The following PPP4R2 variants were observed in gnomAD, a reference collection of about 807,000 sequenced individuals.
PPP4R2 encodes the protein serine/threonine-protein phosphatase 4 regulatory subunit 2.
PPP4R2 carries 13 observed loss-of-function variants against 47.2 expected under a neutral mutation model. The ratio of observed to expected loss-of-function variants is 0.28; its 90% CI spans 0.18 to 0.44. The LOEUF is 0.44. Ranked by LOEUF, PPP4R2 falls within the 20% of genes least tolerant of loss-of-function variation. The probability of loss-of-function intolerance (pLI) is 1.00; values close to 1 mark genes in which losing one functional copy is unlikely to be tolerated. For missense variants in PPP4R2, 421 were observed against 491.2 expected (o/e 0.86, Z 1.35); for synonymous variants, 151 against 163.3 (o/e 0.92, Z 0.57).
chr3:73,039,500 A>G (rs913131132), intron 2 of PPP4R2, among the ~76,000 whole-genome samples: 1 of 152,236 alleles, frequency 6.6e-6, no homozygotes, highest in Non-Finnish European at 1.5e-5. Context: ...TGTATCACAT[A>G]ATTTACCTTT....
At chr3:73,001,302 A>G (rs1158003369) in intron 2 of PPP4R2, among the ~76,000 whole-genome samples, 1 of 152,128 alleles carries the variant, frequency 6.6e-6, no homozygotes, top group Non-Finnish European at 1.5e-5. Context: ...TCATGTCTGT[A>G]ATCCCAGAAC....
chr3:73,014,837 C>T, intron 2 of PPP4R2: 1 of 429,812 alleles, frequency 2.3e-6, no homozygotes, highest in Non-Finnish European at 4.2e-6. Flanking sequence ...TCTAGCATTG[C>T]TTTATCATTT....
intron 2 of PPP4R2, among the ~76,000 whole-genome samples, chr3:73,024,618 A>G (rs1197128762): frequency 1.3e-5 from 2 of 152,114 alleles, no homozygotes; most frequent in African/African-American, 4.8e-5. Flanking sequence ...TGAAAGCCCA[A>G]AGGAGTTTCT....
chr3:73,014,991 G>T (rs1437099817), intron 2 of PPP4R2: 17 of 684,722 alleles, frequency 2.5e-5, no homozygotes, highest in Non-Finnish European at 3.7e-5. Context: ...GATGTAAGCA[G>T]CCTCACCCAG....
chr3:73,007,592 G>C (rs1224782424), intron 2 of PPP4R2, among the ~76,000 whole-genome samples: 1 of 151,838 alleles, frequency 6.6e-6, no homozygotes, highest in Non-Finnish European at 1.5e-5. Context: ...AGGTTCAAGC[G>C]ATTCTCCTGC....
At chr3:73,036,026 C>T (rs189452641) in intron 2 of PPP4R2, among the ~76,000 whole-genome samples, 27 of 152,232 alleles carry the variant, frequency 1.8e-4, no homozygotes, top group Non-Finnish European at 2.6e-4. Context: ...TGTATATATA[C>T]GCACACACAC....
chr3:72,996,806 G>A (rs1038853521), upstream of PPP4R2: 10 of 377,864 alleles, frequency 2.6e-5, no homozygotes, highest in Non-Finnish European at 3.8e-5. Context: ...GCGCGGTGAC[G>A]TACCGGGCGC....
At chr3:73,034,276 C>T (rs2107282970) in intron 2 of PPP4R2, among the ~76,000 whole-genome samples, 1 of 152,140 alleles carries the variant, frequency 6.6e-6, no homozygotes, top group East Asian at 1.9e-4. Context: ...TAAATGGTGC[C>T]ATCATTGAGT....
intron 2 of PPP4R2, among the ~76,000 whole-genome samples, chr3:73,028,798 C>T (rs1702116147): frequency 2.0e-5 from 3 of 152,014 alleles, no homozygotes; most frequent in African/African-American, 7.2e-5. Flanking sequence ...TGTGTCTAGC[C>T]CTTTCACAGA....
chr3:73,000,597 T>A (rs938620723), intron 2 of PPP4R2, among the ~76,000 whole-genome samples: 3 of 152,182 alleles, frequency 2.0e-5, no homozygotes, highest in Non-Finnish European at 4.4e-5. Flanking sequence ...CATTTTTACT[T>A]CTTAGTCTAT....
intron 2 of PPP4R2, among the ~76,000 whole-genome samples, chr3:73,034,060 C>G (rs1009207589): frequency 2.0e-5 from 3 of 152,190 alleles, no homozygotes; most frequent in African/African-American, 7.2e-5. Flanking sequence ...CTCACCAGTG[C>G]TTGTTATTTT....
chr3:73,057,297 A>AAAC (rs1702748992), intron 3 of PPP4R2, among the ~76,000 whole-genome samples: 1 of 152,142 alleles, frequency 6.6e-6, no homozygotes, highest in Non-Finnish European at 1.5e-5. Flanking sequence ...GAATGAAACA[A>AAAC]AAGATGTATA....
chr3:73,025,233 C>A (rs1702040711), intron 2 of PPP4R2, among the ~76,000 whole-genome samples: 1 of 152,158 alleles, frequency 6.6e-6, no homozygotes, highest in Admixed American at 6.6e-5. Context: ...TGCAATTCAT[C>A]ATATTGGTAA....
Position 73,063,740 on chromosome 3 carries a change from A to G in PPP4R2, c.487A>G (p.Thr163Ala), listed in dbSNP as rs1018036007. 4 of 1,574,408 alleles carry G rather than the reference A, an allele frequency of 2.5e-6. No homozygotes were observed. Among genetic ancestry groups the G allele is most frequent in the Admixed American group, 1.7e-5 (1 of 59,578 alleles). ...VMFPGNSPSY[T>A]ERSNINGPGT... ...GTTTCCTGGAAATTCACCAAGCTAT[A>G]CTGAGAGGTGAGATTCTAGATTTTT... is the stretch of plus-strand genomic sequence containing the variant. The change falls in exon 6 of 9, where the codon ACT (threonine) becomes GCT (alanine). Residue 163 changes from threonine to alanine, a missense_variant. Coordinates refer to ENST00000356692, the MANE Select transcript of PPP4R2 (RefSeq NM_174907.4).
intron 2 of PPP4R2, among the ~76,000 whole-genome samples, chr3:73,002,049 AC>A (rs1559544417): frequency 6.6e-6 from 1 of 151,976 alleles, no homozygotes; most frequent in African/African-American, 2.4e-5. Context: ...TTAGACTCTT[AC>A]CTTTGTGAGA....
intron 2 of PPP4R2, among the ~76,000 whole-genome samples, chr3:73,039,297 A>G (rs898628445): frequency 6.6e-6 from 1 of 151,882 alleles, no homozygotes; most frequent in African/African-American, 2.4e-5. Flanking sequence ...TCATTTTTGT[A>G]TTTTTAGTAG....
intron 2 of PPP4R2, among the ~76,000 whole-genome samples, chr3:73,045,564 G>A (rs1277486652): frequency 3.8e-5 from 5 of 131,912 alleles, no homozygotes; most frequent in African/African-American, 1.2e-4. Flanking sequence ...CTTGCTCATC[G>A]CCCGGGCTGG....
intron 2 of PPP4R2, among the ~76,000 whole-genome samples, chr3:73,016,746 T>A (rs900524476): frequency 6.0e-5 from 8 of 134,108 alleles, no homozygotes; most frequent in African/African-American, 1.9e-4. Context: ...TTTATTATTT[T>A]TTTTTTTTAA....
At chr3:73,045,526 A>ATT (rs10659714) in intron 2 of PPP4R2, among the ~76,000 whole-genome samples, 61,816 of 139,222 alleles carry the variant, frequency 0.44, 13,999 homozygotes, top group South Asian at 0.56. Context: ...CATTCTCCTA[A>ATT]TTTTTTTTTT....
Sources: gnomAD v4.1 joint callset for allele counts (sites outside exome capture counted in the v4.1 genomes callset) on GRCh38, gnomAD v4.1.1 for gene constraint, MANE v1.5 for transcripts, NCBI Gene and HGNC (gene_info 2026-07-23, HGNC 2026-07-21) for gene names.